The following TYW1 variants were observed in gnomAD, a reference collection of about 807,000 sequenced individuals.
TYW1 encodes tRNA-yW synthesizing protein 1 homolog, also known as S-adenosyl-L-methionine-dependent tRNA 4-demethylwyosine synthase TYW1.
In TYW1, 46 loss-of-function variants were observed where a neutral mutation model predicts 96.2. The observed-to-expected ratio is 0.48, with a 90% CI of 0.38 to 0.61. The LOEUF is 0.61. TYW1 is among the 20% of genes least tolerant of loss of function. The pLI is 0.00. For synonymous variants in TYW1, 274 were observed against 323.0 expected (o/e 0.85, Z 1.63); for missense variants, 684 against 909.6 (o/e 0.75, Z 3.19).
chr7:67,035,802 C>G (rs568461612), intron 7 of TYW1, among the ~76,000 whole-genome samples: 1 of 152,002 alleles, frequency 6.6e-6, no homozygotes, highest in African/African-American at 2.4e-5. Flanking sequence ...TTTAGCCTCC[C>G]GAGTAGCTGG....
At chr7:67,107,754 C>T (rs1797285596) in intron 12 of TYW1, among the ~76,000 whole-genome samples, 1 of 149,394 alleles carries the variant, frequency 6.7e-6, no homozygotes, top group South Asian at 2.1e-4. Context: ...TCTTCAGAGA[C>T]AGGGTCCCAT....
chr7:67,168,154 CAT>C lies in TYW1; in HGVS notation c.1699-14971_1699-14970del, dbSNP rs1491148793. Among the ~76,000 whole-genome samples the C allele has an allele frequency of 2.9e-5, 4 of 136,126 alleles. No individual in the cohort carries two copies. In the South Asian group the frequency reaches 9.6e-4, roughly 33 times the overall value. The allele number at this position is 136,126 out of a possible 152,430, so 89.3% of individuals were successfully genotyped here. On this transcript the variant is annotated intron_variant, in intron 13 of 15. Transcript: ENST00000359626. Reference sequence around the variant, plus strand: ...AATGGCTATTGGGTTTTTATCATATCATTTTTTTTGCGTCTATTGAGATTATA... The same window carrying C: ...AATGGCTATTGGGTTTTTATCATATCTTTTTTTGCGTCTATTGAGATTATA...
At chr7:67,128,887 C>G (rs547851554) in intron 13 of TYW1, among the ~76,000 whole-genome samples, 1 of 152,168 alleles carries the variant, frequency 6.6e-6, no homozygotes, top group African/African-American at 2.4e-5. Flanking sequence ...CGGGGTTTTA[C>G]CATGTTGGGC....
chr7:67,113,490 C>G (rs2115951166), intron 12 of TYW1, among the ~76,000 whole-genome samples: 1 of 152,318 alleles, frequency 6.6e-6, no homozygotes, highest in East Asian at 1.9e-4. Flanking sequence ...CCGTTTGTTA[C>G]ATGTAACCGC....
chr7:67,044,613 C>A (rs1183478698), intron 7 of TYW1, among the ~76,000 whole-genome samples: 1 of 152,076 alleles, frequency 6.6e-6, no homozygotes, highest in African/African-American at 2.4e-5. Context: ...TTTGGGCGTT[C>A]TGTAGCCAAT....
intron 9 of TYW1, among the ~76,000 whole-genome samples, chr7:67,062,678 T>G (rs1795734853): frequency 6.6e-6 from 1 of 152,042 alleles, no homozygotes; most frequent in African/African-American, 2.4e-5. Flanking sequence ...TGCAAACAAT[T>G]TTATGTTAGT....
chr7:67,098,447 T>C, intron 11 of TYW1, 94 bp from the exon 12 acceptor site: 1 of 1,298,478 alleles, frequency 7.7e-7, no homozygotes, highest in Non-Finnish European at 1.0e-6. Flanking sequence ...AAAATGAATT[T>C]GCTCTATAAA....
At chr7:67,187,146 C>G (rs1019341601) in intron 14 of TYW1, among the ~76,000 whole-genome samples, 19 of 149,660 alleles carry the variant, frequency 1.3e-4, no homozygotes, top group Non-Finnish European at 1.8e-4. Context: ...TCACTGCAAC[C>G]GCCGCCTCCT....
chr7:67,022,457 TC>T (rs1466736143), intron 6 of TYW1, among the ~76,000 whole-genome samples: 3 of 152,174 alleles, frequency 2.0e-5, no homozygotes, highest in African/African-American at 7.2e-5. Context: ...TGTCTAATAT[TC>T]TGAAATTTAT....
intron 13 of TYW1, among the ~76,000 whole-genome samples, chr7:67,120,068 G>A (rs554053438): frequency 2.0e-4 from 27 of 137,280 alleles, no homozygotes; most frequent in Admixed American, 1.2e-3. Context: ...CCTGATAAAT[G>A]TTTCTTTTTT....
intron 15 of TYW1, among the ~76,000 whole-genome samples, chr7:67,202,130 G>A (rs1323275403): frequency 6.6e-6 from 1 of 152,104 alleles, no homozygotes; most frequent in African/African-American, 2.4e-5. Flanking sequence ...TGTGTTTTCT[G>A]GCGCTTCTTT....
intron 12 of TYW1, among the ~76,000 whole-genome samples, chr7:67,099,440 C>A (rs533523034): frequency 6.6e-6 from 1 of 152,164 alleles, no homozygotes; most frequent in African/African-American, 2.4e-5. Flanking sequence ...TTTGTGATAA[C>A]CATTATATAA....
chr7:67,210,227 T>A (rs557143930), intron 15 of TYW1, among the ~76,000 whole-genome samples: 2 of 152,266 alleles, frequency 1.3e-5, no homozygotes, highest in South Asian at 4.1e-4. Context: ...TTTTGTGGAA[T>A]GCCCTATTAT....
At chr7:67,223,501 A>C (rs2116425082) in intron 15 of TYW1, among the ~76,000 whole-genome samples, 2 of 151,986 alleles carry the variant, frequency 1.3e-5, no homozygotes, top group South Asian at 4.2e-4. Flanking sequence ...TTAATGTCTT[A>C]GTCTTTAATG....
At chr7:67,207,902 G>T (rs1164316549) in intron 15 of TYW1, among the ~76,000 whole-genome samples, 1 of 151,932 alleles carries the variant, frequency 6.6e-6, no homozygotes, top group East Asian at 1.9e-4. Context: ...TGTATTTTTA[G>T]TAGAGATGGG....
chr7:67,199,498 T>G (rs1487194101), intron 15 of TYW1, among the ~76,000 whole-genome samples: 1 of 152,208 alleles, frequency 6.6e-6, no homozygotes, highest in African/African-American at 2.4e-5. Flanking sequence ...CCCCATTGAC[T>G]TAGCACTTAT....
At chr7:67,166,348 A>ATTATATAT (rs1563051245) in intron 13 of TYW1, among the ~76,000 whole-genome samples, 5 of 138,352 alleles carry the variant, frequency 3.6e-5, no homozygotes, top group Non-Finnish European at 6.4e-5. Flanking sequence ...TATAATATAT[A>ATTATATAT]ATTATATATA....
intron 14 of TYW1, among the ~76,000 whole-genome samples, chr7:67,188,686 T>C (rs1237861845): frequency 1.3e-5 from 2 of 152,156 alleles, no homozygotes; most frequent in African/African-American, 2.4e-5. Flanking sequence ...CCCGTGCGTT[T>C]GGTAAAAAGG....
rs1243774923 is a variant in TYW1, at chr7:67,189,416, ATG to A, written c.1810-5751_1810-5750del. ...TGTGTTGTGTGCGTGTGTTGTGTGT[ATG>A]TGCATGTGTGTGTGGTATGTGTATG... On this transcript the variant is annotated intron_variant, in intron 14 of 15. Transcript: ENST00000359626. Among the ~76,000 whole-genome samples, 4 of 150,522 alleles carry A rather than the reference ATG, an allele frequency of 2.7e-5. No individual in the cohort carries two copies. In the East Asian group the frequency reaches 7.8e-4, roughly 29 times the overall value.
Sources: allele counts gnomAD v4.1 joint callset (sites outside exome capture counted in the v4.1 genomes callset), GRCh38; gene constraint gnomAD v4.1.1; transcripts MANE v1.5; gene names NCBI Gene and HGNC (gene_info 2026-07-23, HGNC 2026-07-21).